Variants in CDIN1 observed in about 807,000 individuals in gnomAD.
CDIN1 encodes the protein CDAN1-interacting nuclease 1.
In CDIN1, 33 loss-of-function variants were observed where a neutral mutation model predicts 45.3. The ratio of observed to expected loss-of-function variants is 0.73; its 90% CI spans 0.55 to 0.97. CDIN1 has a LOEUF of 0.97. Ranked by LOEUF, CDIN1 falls within the 50% of genes least tolerant of loss-of-function variation. The pLI, the probability that CDIN1 is intolerant of heterozygous loss-of-function variation, is 0.00. For missense variants in CDIN1, 303 were observed against 339.4 expected (o/e 0.89, Z 0.84); for synonymous variants, 118 against 124.4 (o/e 0.95, Z 0.34).
In CDIN1 at chr15:36,744,162, G is replaced by C. The variant is rs184336146; in HGVS notation, c.716+34201G>C. Among the ~76,000 whole-genome samples, 11 of 152,118 alleles carry C rather than the reference G, an allele frequency of 7.2e-5. No homozygotes were observed. In the East Asian group the frequency reaches 2.1e-3, roughly 29 times the overall value. On this transcript the variant is annotated intron_variant, in intron 10 of 10. Transcript: ENST00000566621. ...ATAGCAAAAAAGGCCCACTTTCCTTGCAGGCTCTTCAGAGCAACATCTGCT... is the reference window on the plus strand; with the variant it reads ...ATAGCAAAAAAGGCCCACTTTCCTTCCAGGCTCTTCAGAGCAACATCTGCT...
At chr15:36,671,782 AT>A (rs1566886078) in intron 5 of CDIN1, among the ~76,000 whole-genome samples, 1 of 152,040 alleles carries the variant, frequency 6.6e-6, no homozygotes, top group Non-Finnish European at 1.5e-5. Context: ...TCCTCTTACA[AT>A]TGTCTTCCTT....
chr15:36,626,781 T>G, intron 1 of CDIN1: 1 of 341,150 alleles, frequency 2.9e-6, no homozygotes, highest in Non-Finnish European at 5.7e-6. Flanking sequence ...TTACTGATGA[T>G]GATGGGGGTC....
In CDIN1 at chr15:36,687,571, G is replaced by T. The variant is rs530999106; in HGVS notation, c.347-4114G>T. The stretch of plus-strand genomic sequence containing the variant: ...CTTTGCCAAAAGACATACTTACCAA[G>T]AATTCAGTGTATAACAACTGAGAGT... On this transcript the variant is annotated intron_variant, in intron 5 of 10. Coordinates refer to ENST00000566621, the MANE Select transcript of CDIN1 (RefSeq NM_001321759.2). Among the ~76,000 whole-genome samples the T allele has an allele frequency of 5.3e-5, 8 of 152,190 alleles. No homozygotes were observed. In the South Asian group the frequency reaches 1.7e-3, roughly 32 times the overall value.
intron 10 of CDIN1, among the ~76,000 whole-genome samples, chr15:36,710,394 A>G (rs1439474590): frequency 6.6e-6 from 1 of 152,198 alleles, no homozygotes; most frequent in African/African-American, 2.4e-5. Context: ...CCTTCCAAGA[A>G]TAGAGAATAG....
chr15:36,799,980 GA>G (rs2054957422), intron 10 of CDIN1, among the ~76,000 whole-genome samples: 1 of 152,112 alleles, frequency 6.6e-6, no homozygotes, highest in African/African-American at 2.4e-5. Context: ...AAGCAAAGTA[GA>G]AATTAACTAC....
At chr15:36,735,799 G>A (rs2140924156) in intron 10 of CDIN1, among the ~76,000 whole-genome samples, 1 of 152,062 alleles carries the variant, frequency 6.6e-6, no homozygotes, top group African/African-American at 2.4e-5. Context: ...TTTTCCACTT[G>A]GGATTAATTA....
intron 1 of CDIN1, among the ~76,000 whole-genome samples, chr15:36,620,532 A>G (rs1438944889): frequency 6.6e-6 from 1 of 152,088 alleles, no homozygotes; most frequent in Non-Finnish European, 1.5e-5. Context: ...CATCCCCAAA[A>G]GCAAAATAAC....
chr15:36,678,775 T>A (rs144402243), intron 5 of CDIN1, among the ~76,000 whole-genome samples: 1 of 152,340 alleles, frequency 6.6e-6, no homozygotes, highest in Non-Finnish European at 1.5e-5. Context: ...TTAGTTCAAG[T>A]GCAGCCTAAT....
chr15:36,643,781 C>T (rs954358825), intron 1 of CDIN1, among the ~76,000 whole-genome samples: 3 of 152,158 alleles, frequency 2.0e-5, no homozygotes, highest in Non-Finnish European at 2.9e-5. Context: ...GGGAATGTTC[C>T]AGTGACCACT....
At chr15:36,773,258 T>C (rs188771839) in intron 10 of CDIN1, among the ~76,000 whole-genome samples, 1 of 152,316 alleles carries the variant, frequency 6.6e-6, no homozygotes, top group Admixed American at 6.5e-5. Context: ...ATTGGTCCCA[T>C]GGTGGATGGG....
intron 10 of CDIN1, among the ~76,000 whole-genome samples, chr15:36,794,056 T>A (rs2054722553): frequency 1.1e-5 from 1 of 91,280 alleles, no homozygotes; most frequent in Non-Finnish European, 2.4e-5. Flanking sequence ...TATGCCATCA[T>A]AACTATTTTT....
intron 8 of CDIN1, chr15:36,708,378 C>G (rs1014273135): frequency 6.6e-6 from 1 of 151,604 alleles, no homozygotes; most frequent in Non-Finnish European, 1.5e-5. Context: ...ACTCCAAAAT[C>G]TAATGGAGAA....
chr15:36,721,431 C>A (rs1197583986), intron 10 of CDIN1, among the ~76,000 whole-genome samples: 1 of 151,866 alleles, frequency 6.6e-6, no homozygotes, highest in Non-Finnish European at 1.5e-5. Flanking sequence ...CTTCTTTGAC[C>A]CACACTTATT....
At chr15:36,750,731 A>G (rs8024417) in intron 10 of CDIN1, among the ~76,000 whole-genome samples, 50,289 of 151,972 alleles carry the variant, frequency 0.33, 8,867 homozygotes, top group African/African-American at 0.45. Flanking sequence ...ATATCTTCCC[A>G]TTTTAACTCA....
chr15:36,662,576 G>C (rs1595439069), intron 5 of CDIN1, among the ~76,000 whole-genome samples: 2 of 152,014 alleles, frequency 1.3e-5, no homozygotes, highest in African/African-American at 4.8e-5. Flanking sequence ...GCATCCAGTA[G>C]GTGTTTAGAT....
intron 1 of CDIN1, among the ~76,000 whole-genome samples, chr15:36,597,901 T>C (rs1193795658): frequency 6.6e-6 from 1 of 152,234 alleles, no homozygotes; most frequent in Non-Finnish European, 1.5e-5. Context: ...TTTGGGAACC[T>C]GAGAGTGTTT....
At chr15:36,805,718 T>C (rs2055204946) in intron 10 of CDIN1, among the ~76,000 whole-genome samples, 2 of 152,196 alleles carry the variant, frequency 1.3e-5, no homozygotes, top group African/African-American at 2.4e-5. Context: ...CATAAACAGG[T>C]AGGTTGCTGA....
chr15:36,599,904 A>G (rs1437321325), intron 1 of CDIN1, among the ~76,000 whole-genome samples: 3 of 152,224 alleles, frequency 2.0e-5, no homozygotes, highest in African/African-American at 2.4e-5. Context: ...CATTTTCACA[A>G]TAGAAGAGCA....
At chr15:36,680,963 C>T (rs541467778) in intron 5 of CDIN1, among the ~76,000 whole-genome samples, 2 of 152,100 alleles carry the variant, frequency 1.3e-5, no homozygotes, top group African/African-American at 4.8e-5. Context: ...TCAAACAATT[C>T]TTGCTGAAAA....
Sources: allele counts gnomAD v4.1 joint callset (sites outside exome capture counted in the v4.1 genomes callset), GRCh38; gene constraint gnomAD v4.1.1; transcripts MANE v1.5; gene names NCBI Gene and HGNC (gene_info 2026-07-23, HGNC 2026-07-21).